Variants in ESRRG observed in about 807,000 individuals in gnomAD.
The protein encoded by ESRRG is estrogen-related receptor gamma.
ESRRG carries 13 observed loss-of-function variants against 44.0 expected under a neutral mutation model. The ratio of observed to expected loss-of-function variants is 0.30; its 90% CI spans 0.19 to 0.47. The LOEUF (loss-of-function observed/expected upper bound fraction) is 0.47. Among genes scored for constraint, ESRRG ranks in the 20% least tolerant of loss-of-function variants. The probability of loss-of-function intolerance (pLI) is 1.00; values close to 1 mark genes in which losing one functional copy is unlikely to be tolerated. For synonymous variants in ESRRG, 215 were observed against 214.6 expected, an observed-to-expected ratio of 1.00 and a Z score of -0.02; for missense variants, 395 against 580.6, an observed-to-expected ratio of 0.68 and a Z score of 3.29.
At chr1:216,938,509 C>T (rs913747413) in intron 2 of ESRRG, among the ~76,000 whole-genome samples, 33 of 152,116 alleles carry the variant, frequency 2.2e-4, no homozygotes, top group Non-Finnish European at 4.4e-4. Context: ...CATATTCTCC[C>T]GCTGACTACA....
intron 1 of ESRRG, among the ~76,000 whole-genome samples, chr1:217,094,708 G>A (rs2092397766): frequency 6.6e-6 from 1 of 152,334 alleles, no homozygotes; most frequent in Admixed American, 6.5e-5. Context: ...GCTGATTTCT[G>A]CACATCTTGC....
At chr1:216,716,890 T>C (rs907006557) in intron 1 of ESRRG, among the ~76,000 whole-genome samples, 5 of 151,904 alleles carry the variant, frequency 3.3e-5, no homozygotes, top group Admixed American at 6.6e-5. Flanking sequence ...CAAATGCACA[T>C]ATAGATCTTT....
rs138586094 is a variant in ESRRG at position 216,773,354 on chromosome 1, A to G, written c.-13-95863T>C. Among the ~76,000 whole-genome samples the G allele has an allele frequency of 1.8e-3, 280 of 152,230 alleles. 2 individuals carry two copies. Among genetic ancestry groups the G allele is most frequent in the African/African-American group, 6.6e-3 (275 of 41,548 alleles). The stretch of plus-strand genomic sequence containing the variant: ...CACCAGAAATGCAATGATCCAATAT[A>G]AGCAACATACAGTTTTCTTTACTTC... On this transcript the variant is annotated intron_variant, in intron 2 of 7. Transcript: ENST00000359162.
chr1:216,750,621 T>G (rs2091912805), intron 2 of ESRRG, among the ~76,000 whole-genome samples: 1 of 150,568 alleles, frequency 6.6e-6, no homozygotes, highest in Admixed American at 6.6e-5. Flanking sequence ...GGACCCTTTA[T>G]AAATATATGT....
At position 217,036,715 on chromosome 1, in the gene ESRRG, C is replaced by G. The variant is rs111839609; in HGVS notation, c.-106+52792G>C. On this transcript the variant is annotated intron_variant, in intron 1 of 7. Coordinates refer to the ESRRG transcript ENST00000359162. ...GACCAGGAAAAGTAACTAATGAATA[C>G]TAGACTTAATACCTGGGTGATGAAA... Among the ~76,000 whole-genome samples, 27 of 151,962 alleles carry G rather than the reference C, an allele frequency of 1.8e-4. 1 individual carries two copies. Among genetic ancestry groups the G allele is most frequent in the African/African-American group, 6.3e-4 (26 of 41,422 alleles).
chr1:216,747,025 C>A (rs1268243137), intron 2 of ESRRG, among the ~76,000 whole-genome samples: 1 of 152,126 alleles, frequency 6.6e-6, no homozygotes, highest in African/African-American at 2.4e-5. Context: ...ACTCATAAAA[C>A]AGGCTTCATA....
intron 1 of ESRRG, among the ~76,000 whole-genome samples, chr1:216,709,896 TG>T (rs2083260831): frequency 6.6e-6 from 1 of 152,220 alleles, no homozygotes; most frequent in Admixed American, 6.5e-5. Context: ...ACAGTGTCTT[TG>T]CAATATTAAC....
intron 1 of ESRRG, among the ~76,000 whole-genome samples, chr1:217,003,936 C>A (rs1277248618): frequency 1.3e-5 from 2 of 151,402 alleles, no homozygotes; most frequent in African/African-American, 2.4e-5. Flanking sequence ...GAGTTTGTGA[C>A]CTCAAATTTG....
chr1:217,136,586 T>C (rs1382879652), intron 1 of ESRRG, among the ~76,000 whole-genome samples: 1 of 152,170 alleles, frequency 6.6e-6, no homozygotes, highest in East Asian at 1.9e-4. Context: ...CCCCTGTCCC[T>C]GGACGCCCTT....
chr1:216,764,570 A>G (rs75972262), intron 2 of ESRRG, among the ~76,000 whole-genome samples: 10 of 144,702 alleles, frequency 6.9e-5, no homozygotes, highest in Admixed American at 1.4e-4. Context: ...TGCCCGGCCC[A>G]GGGGGGGACT....
intron 3 of ESRRG, among the ~76,000 whole-genome samples, chr1:216,648,941 C>G (rs1014181869): frequency 2.0e-5 from 3 of 152,008 alleles, no homozygotes; most frequent in Non-Finnish European, 4.4e-5. Flanking sequence ...ATAATTAAGG[C>G]CAGAAATTGA....
At chr1:216,887,231 C>T (rs1048425165) in intron 2 of ESRRG, among the ~76,000 whole-genome samples, 2 of 152,174 alleles carry the variant, frequency 1.3e-5, no homozygotes, top group Admixed American at 6.5e-5. Flanking sequence ...CACAGAACCA[C>T]GCTGACTCAC....
At chr1:216,721,324 A>G (rs1177177438) in intron 1 of ESRRG, among the ~76,000 whole-genome samples, 3 of 152,320 alleles carry the variant, frequency 2.0e-5, no homozygotes, top group Middle Eastern at 3.4e-3. Flanking sequence ...ATGGGGTTTA[A>G]CCCGGTACAA....
At chr1:217,125,583 T>C (rs1308908880) in intron 1 of ESRRG, among the ~76,000 whole-genome samples, 3 of 152,290 alleles carry the variant, frequency 2.0e-5, no homozygotes, top group South Asian at 2.1e-4. Flanking sequence ...CTTTAATAAA[T>C]ATTTGACAAA....
chr1:217,061,263 T>C (rs2151353453), intron 1 of ESRRG, among the ~76,000 whole-genome samples: 1 of 152,238 alleles, frequency 6.6e-6, no homozygotes, highest in Middle Eastern at 3.4e-3. Context: ...TACCGAAGCA[T>C]TACCTTCCCA....
intron 2 of ESRRG, among the ~76,000 whole-genome samples, chr1:216,758,349 C>T (rs1208020966): frequency 6.6e-6 from 1 of 152,048 alleles, no homozygotes; most frequent in Non-Finnish European, 1.5e-5. Flanking sequence ...CTCCACCATT[C>T]GGCTGCAGTT....
rs2151562737 is a variant in ESRRG at position 217,098,342 on chromosome 1, A to C, written c.-230+39325T>G. On this transcript the variant is annotated intron_variant, in intron 1 of 8. Coordinates refer to the ESRRG transcript ENST00000366940. ...ATTTATGGTATTTTACCATTTAGAA[A>C]GTGCTTTAACACCTGATTTTATTTA... is the stretch of plus-strand genomic sequence containing the variant. Among the ~76,000 whole-genome samples the C allele has an allele frequency of 2.0e-5, 3 of 152,334 alleles. No homozygotes were observed. The Middle Eastern group carries it at 0.01, about 518-fold the overall frequency.
At chr1:216,817,996 CCTCT>C (rs1468027396) in intron 2 of ESRRG, among the ~76,000 whole-genome samples, 3 of 151,962 alleles carry the variant, frequency 2.0e-5, no homozygotes, top group African/African-American at 7.2e-5. Flanking sequence ...CCTTCTTGCT[CCTCT>C]CTATTTTTGT....
In ESRRG at chr1:216,736,176, A is replaced by ATTTT. The variant is rs34469625; in HGVS notation, c.-13-58689_-13-58686dup. On this transcript the variant is annotated intron_variant, in intron 2 of 7. Transcript: ENST00000359162. ...TGGTGCTTCTAAGGAGTTAAGGACTATTTTTTTTTTTTTTTTTTTTTTTTG... is the reference window on the plus strand; with the variant it reads ...TGGTGCTTCTAAGGAGTTAAGGACTATTTTTTTTTTTTTTTTTTTTTTTTTTTTG... 3.4e-4 allele frequency among the ~76,000 whole-genome samples: 28 copies of ATTTT among 82,692 alleles called. 1 individual carries two copies. Among genetic ancestry groups the ATTTT allele is most frequent in the African/African-American group, 1.1e-3 (21 of 19,854 alleles). 54.2% of individuals were successfully genotyped at this position (82,692 alleles called of 152,430 possible).
Sources: gnomAD v4.1 joint callset for allele counts (sites outside exome capture counted in the v4.1 genomes callset) on GRCh38, gnomAD v4.1.1 for gene constraint, MANE v1.5 for transcripts, NCBI Gene and HGNC (gene_info 2026-07-23, HGNC 2026-07-21) for gene names.